SDK1: variants seen among roughly 807,000 people sequenced by gnomAD.
The protein encoded by SDK1 is sidekick cell adhesion molecule 1.
A neutral mutation model predicts 245.5 loss-of-function variants in SDK1; 157 were observed. That is an observed-to-expected ratio of 0.64 (90% CI 0.56 to 0.73). SDK1 has a LOEUF of 0.73. Among genes scored for constraint, SDK1 ranks in the 30% least tolerant of loss-of-function variants. The pLI is 0.00. For missense variants in SDK1, 3,583 were observed against 3,002.3 expected (o/e 1.19, Z -4.52); for synonymous variants, 1,647 against 1,278.5 (o/e 1.29, Z -6.15).
At chr7:3,942,964 T>C (rs894406190) in intron 5 of SDK1, among the ~76,000 whole-genome samples, 1 of 152,176 alleles carries the variant, frequency 6.6e-6, no homozygotes, top group African/African-American at 2.4e-5. Flanking sequence ...CTCATTGTTT[T>C]CTGGTGTGGC....
chr7:3,877,861 T>A (rs774082494), intron 5 of SDK1, among the ~76,000 whole-genome samples: 4 of 152,270 alleles, frequency 2.6e-5, no homozygotes, highest in Non-Finnish European at 4.4e-5. Context: ...TAAATGTATT[T>A]AGCCATCAAT....
chr7:3,835,589 C>A (rs369444908), intron 5 of SDK1, among the ~76,000 whole-genome samples: 17 of 152,176 alleles, frequency 1.1e-4, no homozygotes, highest in Non-Finnish European at 2.1e-4. Context: ...TCTTACCTAT[C>A]CTATCCTGAA....
At chr7:3,941,080 C>T (rs974456553) in intron 5 of SDK1, among the ~76,000 whole-genome samples, 5 of 152,090 alleles carry the variant, frequency 3.3e-5, no homozygotes, top group African/African-American at 1.2e-4. Flanking sequence ...GTCTCCTGAG[C>T]TTTCTCCCTT....
intron 1 of SDK1, among the ~76,000 whole-genome samples, chr7:3,592,938 A>G (rs1473360527): frequency 6.6e-6 from 1 of 152,210 alleles, no homozygotes; most frequent in Non-Finnish European, 1.5e-5. Flanking sequence ...TGCCCTCTGC[A>G]GGCTTGCAGG....
chr7:3,572,760 T>C (rs1009285315), intron 1 of SDK1, among the ~76,000 whole-genome samples: 6 of 152,044 alleles, frequency 3.9e-5, no homozygotes, highest in African/African-American at 1.4e-4. Context: ...TCACAGGACT[T>C]TCACTTAGCA....
At chr7:3,627,931 G>A (rs1391489893) in intron 2 of SDK1, among the ~76,000 whole-genome samples, 1 of 152,072 alleles carries the variant, frequency 6.6e-6, no homozygotes, top group Non-Finnish European at 1.5e-5. Context: ...TTTCCCATCA[G>A]CCAAGCCATT....
chr7:3,791,754 C>A (rs1334983645), intron 4 of SDK1, among the ~76,000 whole-genome samples: 1 of 152,144 alleles, frequency 6.6e-6, no homozygotes, highest in African/African-American at 2.4e-5. Context: ...TCGGAGAGTG[C>A]TCTATGGATG....
chr7:4,206,926 A>G (rs1228311890), intron 36 of SDK1, among the ~76,000 whole-genome samples: 1 of 152,220 alleles, frequency 6.6e-6, no homozygotes, highest in Non-Finnish European at 1.5e-5. Flanking sequence ...CAGGGCTGTT[A>G]CAGTGATGAA....
intron 1 of SDK1, among the ~76,000 whole-genome samples, chr7:3,565,520 A>G (rs559516287): frequency 3.3e-5 from 5 of 152,328 alleles, no homozygotes; most frequent in South Asian, 4.1e-4. Flanking sequence ...TATAGAAAGT[A>G]TGGTCATCTT....
chr7:3,344,795 A>G (rs2128555673), intron 1 of SDK1, among the ~76,000 whole-genome samples: 1 of 152,324 alleles, frequency 6.6e-6, no homozygotes. Context: ...AAGTTCTGAG[A>G]GAATGAACGT....
chr7:3,782,997 A>G (rs936343636), intron 4 of SDK1, among the ~76,000 whole-genome samples: 2 of 152,228 alleles, frequency 1.3e-5, no homozygotes, highest in African/African-American at 4.8e-5. Context: ...ACTGAATTCA[A>G]CAACACATTA....
At chr7:4,101,046 G>T (rs574422030) in intron 22 of SDK1, among the ~76,000 whole-genome samples, 1 of 152,308 alleles carries the variant, frequency 6.6e-6, no homozygotes, top group East Asian at 1.9e-4. Context: ...AGTGCTCTCC[G>T]CACTGGTTGC....
At position 3,301,784 on chromosome 7, in the gene SDK1, G is replaced by T. The variant is rs2128539423; in HGVS notation, c.198G>T (p.Gly66=). The T allele has an allele frequency of 9.9e-7, 1 of 1,007,450 alleles. No homozygotes were observed. Among genetic ancestry groups the T allele is most frequent in the South Asian group, 4.5e-5 (1 of 22,274 alleles). 62.4% of individuals were successfully genotyped at this position (1,007,450 alleles called of 1,614,324 possible). The change falls in exon 1 of 45, where the codon GGG becomes GGT. Residue 66 remains glycine, a synonymous_variant. Transcript: ENST00000404826. ...ETSGGDTAGA[G]RCGGRRAAKL... is the part of the protein sequence containing the mutation. ...CCGGCGGGGACACGGCGGGCGCGGG[G>T]CGGTGCGGCGGGCGGCGGGCGGCAA...
At chr7:3,475,311 G>C (rs541908672) in intron 1 of SDK1, among the ~76,000 whole-genome samples, 1 of 152,144 alleles carries the variant, frequency 6.6e-6, no homozygotes, top group African/African-American at 2.4e-5. Flanking sequence ...GCTCTCTGGA[G>C]CCCTCCCCAG....
chr7:3,637,529 T>C (rs1461405552), intron 2 of SDK1, among the ~76,000 whole-genome samples: 1 of 152,212 alleles, frequency 6.6e-6, no homozygotes, highest in Non-Finnish European at 1.5e-5. Context: ...GGCTCCGGAG[T>C]TGTAAGACGC....
intron 26 of SDK1, 120 bp from the exon 27 acceptor site, chr7:4,129,788 T>C: frequency 1.3e-6 from 2 of 1,530,478 alleles, no homozygotes; most frequent in Non-Finnish European, 1.7e-6. Flanking sequence ...CACACAGCCA[T>C]CCTCAGGGAG....
chr7:4,220,377 G>A lies in SDK1; in HGVS notation c.5701+107G>A, dbSNP rs114640699. On this transcript the variant is annotated intron_variant, in intron 39 of 44. Coordinates refer to ENST00000404826, the MANE Select transcript of SDK1 (RefSeq NM_152744.4). ...ACATGGTCAACAAGGTGATGTTGGC[G>A]GCCAAGAGCTGGCATCAACTCGGGG... 2.2e-3 allele frequency: 2,728 copies of A among 1,256,482 alleles called. 42 individuals are homozygous for A. In the African/African-American group the frequency reaches 0.037, roughly 17 times the overall value. 77.8% of individuals were successfully genotyped at this position (1,256,482 alleles called of 1,614,324 possible).
rs201190626 is a variant in SDK1 at position 3,642,058 on chromosome 7, A to G, written c.666A>G (p.Gln222=). ...LLPITSYPRP[Q]VTWFREGHKI... ...CCATCACCAGCTACCCCAGACCTCAAGTGACTTGGTTTAGAGAAGGGCACA... is the reference window on the plus strand; with the variant it reads ...CCATCACCAGCTACCCCAGACCTCAGGTGACTTGGTTTAGAGAAGGGCACA... Residue 222 remains glutamine, a synonymous_variant, in exon 4 of 45, where the codon CAA becomes CAG. Transcript: ENST00000404826. 1 of 1,614,176 alleles carries G rather than the reference A, an allele frequency of 6.2e-7. No homozygotes were observed. The highest frequency in any genetic ancestry group is 1.3e-5 in the African/African-American group (1 of 75,050).
At chr7:3,394,181 G>T (rs2128571215) in intron 1 of SDK1, among the ~76,000 whole-genome samples, 1 of 151,928 alleles carries the variant, frequency 6.6e-6, no homozygotes, top group Non-Finnish European at 1.5e-5. Flanking sequence ...CATGGAGTCA[G>T]TCTCTCCTCT....
Sources: gnomAD v4.1 joint callset for allele counts (sites outside exome capture counted in the v4.1 genomes callset) on GRCh38, gnomAD v4.1.1 for gene constraint, MANE v1.5 for transcripts, NCBI Gene and HGNC (gene_info 2026-07-23, HGNC 2026-07-21) for gene names.